The following ROR2 variants were observed in gnomAD, a reference collection of about 807,000 sequenced individuals.
ROR2 encodes the protein ROR family WNT receptor 2.
ROR2 carries 33 observed loss-of-function variants against 74.9 expected under a neutral mutation model. That is an observed-to-expected ratio of 0.44 (90% CI 0.33 to 0.59). ROR2 has a LOEUF of 0.59. Among genes scored for constraint, ROR2 ranks in the 20% least tolerant of loss-of-function variants. ROR2 has a pLI of 0.02. For missense variants in ROR2, 1,216 were observed against 1,313.8 expected, an observed-to-expected ratio of 0.93 and a Z score of 1.15; for synonymous variants, 586 against 558.7, an observed-to-expected ratio of 1.05 and a Z score of -0.69.
intron 1 of ROR2, among the ~76,000 whole-genome samples, chr9:91,836,170 C>T (rs1004625233): frequency 1.3e-5 from 2 of 152,312 alleles, no homozygotes; most frequent in East Asian, 1.9e-4. Flanking sequence ...GATTCACCCA[C>T]AGTGTAGCTT....
chr9:91,791,987 C>G (rs1040319866), intron 1 of ROR2, among the ~76,000 whole-genome samples: 34 of 152,100 alleles, frequency 2.2e-4, no homozygotes, highest in African/African-American at 7.7e-4. Flanking sequence ...ACAAAACATT[C>G]TTAAATAACC....
chr9:91,948,837 G>GCCCGCCCTCCTCCACC (rs1395769256), intron 1 of ROR2: 29 of 985,298 alleles, frequency 2.9e-5, no homozygotes, highest in Non-Finnish European at 3.4e-5. Flanking sequence ...TGAAGGCCCC[G>GCCCGCCCTCCTCCACC]CCCGCCCTCC....
intron 1 of ROR2, among the ~76,000 whole-genome samples, chr9:91,864,583 T>A (rs1045566064): frequency 4.6e-5 from 7 of 152,234 alleles, no homozygotes; most frequent in Non-Finnish European, 1.0e-4. Flanking sequence ...TGGCCAGGAC[T>A]GCAACACAAA....
At chr9:91,803,545 C>T (rs1385169258) in intron 1 of ROR2, among the ~76,000 whole-genome samples, 1 of 152,150 alleles carries the variant, frequency 6.6e-6, no homozygotes, top group Admixed American at 6.5e-5. Context: ...TTTTTTAACA[C>T]AATTTTTTAA....
At chr9:91,839,584 G>T (rs1828723468) in intron 1 of ROR2, among the ~76,000 whole-genome samples, 1 of 151,608 alleles carries the variant, frequency 6.6e-6, no homozygotes, top group Admixed American at 6.6e-5. Context: ...GAGTGTGTTT[G>T]TGTGTTTCTT....
rs1400307783 is a variant in ROR2 at position 91,733,775 on chromosome 9, A to G, written c.623-339T>C. Among the ~76,000 whole-genome samples the G allele has an allele frequency of 1.3e-5, 2 of 152,194 alleles. No homozygotes were observed. The highest frequency in any genetic ancestry group is 6.5e-5 in the Admixed American group (1 of 15,286). ...TGCTTCTTCCAGGACAAGAGGGTTC[A>G]GACTTCAGATGCAAAAGCAGATCCT... is the stretch of plus-strand genomic sequence containing the variant. On this transcript the variant is annotated intron_variant, in intron 5 of 8. Coordinates refer to ENST00000375708, the MANE Select transcript of ROR2 (RefSeq NM_004560.4). The surrounding 1 kb of genome is among the most constrained non-coding windows in gnomAD (Gnocchi z 5.7).
chr9:91,900,818 GA>G (rs1273650579), intron 1 of ROR2, among the ~76,000 whole-genome samples: 1 of 152,100 alleles, frequency 6.6e-6, no homozygotes, highest in African/African-American at 2.4e-5. Context: ...AGCTTGAAGG[GA>G]AAAAAATAAT....
chr9:91,742,988 T>C (rs745864091), intron 4 of ROR2, among the ~76,000 whole-genome samples: 7 of 152,226 alleles, frequency 4.6e-5, no homozygotes, highest in Middle Eastern at 3.2e-3. Context: ...TGTACAAGTC[T>C]GTAGCCTAGG....
chr9:91,874,848 T>C (rs1829911091), intron 1 of ROR2, among the ~76,000 whole-genome samples: 1 of 151,234 alleles, frequency 6.6e-6, no homozygotes, highest in South Asian at 2.1e-4. Flanking sequence ...GGCAGGAGAA[T>C]CACTTGAACC....
chr9:91,937,029 C>CAAAAAAAAAAAAAAAAAAAAAAA (rs540672189), intron 1 of ROR2, among the ~76,000 whole-genome samples: 9 of 65,656 alleles, frequency 1.4e-4, no homozygotes, highest in African/African-American at 3.1e-4. Context: ...GACTCCGTCT[C>CAAAAAAAAAAAAAAAAAAAAAAA]AAAAAAAAAA....
At chr9:91,816,571 C>T (rs1407862239) in intron 1 of ROR2, among the ~76,000 whole-genome samples, 3 of 152,142 alleles carry the variant, frequency 2.0e-5, no homozygotes, top group Non-Finnish European at 4.4e-5. Context: ...CACCTCCCCC[C>T]GCCAGGCTTC....
At chr9:91,848,906 T>C (rs1223786657) in intron 1 of ROR2, among the ~76,000 whole-genome samples, 1 of 152,168 alleles carries the variant, frequency 6.6e-6, no homozygotes, top group Non-Finnish European at 1.5e-5. Context: ...TTCTAGTGTT[T>C]GGAGATTTTT....
intron 1 of ROR2, among the ~76,000 whole-genome samples, chr9:91,909,847 G>GTTTTGTTT (rs1830917603): frequency 5.6e-5 from 3 of 53,600 alleles, no homozygotes; most frequent in South Asian, 1.0e-3. Flanking sequence ...GGTTTGTTTT[G>GTTTTGTTT]TTTTTTTTTT....
chr9:91,756,245 G>C lies in ROR2; in HGVS notation c.464-144C>G, dbSNP rs1028978002. 4.0e-6 allele frequency: 3 copies of C among 755,042 alleles called. No homozygotes were observed. In the African/African-American group the frequency reaches 5.2e-5, roughly 13 times the overall value. 46.8% of individuals were successfully genotyped at this position (755,042 alleles called of 1,614,324 possible). A position where few individuals can be genotyped will look rare whatever the true frequency, so the allele number is the denominator to read the frequency against. On this transcript the variant is annotated intron_variant, in intron 3 of 8. Transcript: ENST00000375708. ...TCCTCGGGCCTCAGGCTCCACTCGT[G>C]ATTACGTCAGCAAGGCTGGAAACCA...
rs528932146 is a variant in ROR2, at chr9:91,752,217, C to T, written c.494+3854G>A. Among the ~76,000 whole-genome samples the T allele has an allele frequency of 3.3e-5, 5 of 152,310 alleles. No homozygotes were observed. In the South Asian group the frequency reaches 1.0e-3, roughly 32 times the overall value. On this transcript the variant is annotated intron_variant, in intron 4 of 8. Transcript: ENST00000375708. ...TTAAGCACACACATGCCCTATAATG[C>T]AGCAATTCTACGCCTAGTTAACACT...
rs376970201 is a variant in ROR2, at chr9:91,724,782, T to C, written c.1712A>G (p.His571Arg). Residue 571 changes from histidine (H) to arginine (R), a missense_variant, in exon 9 of 9, where the codon CAC becomes CGC. Transcript: ENST00000375708. Reference sequence around the variant, plus strand: ...ATCATCGGTGCTGCCCACGTCCGAGTGCGGCGAGCGCATGACCAGGAATTC... The same window carrying C: ...ATCATCGGTGCTGCCCACGTCCGAGCGCGGCGAGCGCATGACCAGGAATTC... ...LHEFLVMRSPHSDVGSTDDDR... is the reference protein window; with the variant it reads ...LHEFLVMRSPRSDVGSTDDDR... 5.9e-4 allele frequency: 957 copies of C among 1,611,948 alleles called. 15 individuals are homozygous for C. The South Asian group carries it at 9.5e-3, about 16-fold the overall frequency.
chr9:91,840,205 G>A (rs552630422), intron 1 of ROR2, among the ~76,000 whole-genome samples: 7 of 152,214 alleles, frequency 4.6e-5, no homozygotes, highest in South Asian at 2.1e-4. Context: ...ACCCGGGAGA[G>A]CAAGGACCAG....
At chr9:91,819,669 A>AGTGTCT (rs1828075134) in intron 1 of ROR2, among the ~76,000 whole-genome samples, 1 of 143,510 alleles carries the variant, frequency 7.0e-6, no homozygotes, top group African/African-American at 2.6e-5. Context: ...TGTGTCTTTC[A>AGTGTCT]GTGTCTGTGT....
intron 1 of ROR2, among the ~76,000 whole-genome samples, chr9:91,841,631 C>G (rs763925861): frequency 6.6e-6 from 1 of 152,212 alleles, no homozygotes; most frequent in African/African-American, 2.4e-5. Context: ...AGCTGGTGCT[C>G]AGCAGTACAG....
Sources: gnomAD v4.1 joint callset for allele counts (sites outside exome capture counted in the v4.1 genomes callset) on GRCh38, gnomAD v4.1.1 for gene constraint, Gnocchi (gnomAD v3.1) non-coding constraint, MANE v1.5 for transcripts, NCBI Gene and HGNC (gene_info 2026-07-23, HGNC 2026-07-21) for gene names.